The following SRGAP3 variants were observed in gnomAD, a reference collection of about 807,000 sequenced individuals.
SRGAP3 encodes SLIT-ROBO Rho GTPase activating protein 3.
A neutral mutation model predicts 121.1 loss-of-function variants in SRGAP3; 39 were observed. The ratio of observed to expected loss-of-function variants is 0.32; its 90% confidence interval spans 0.25 to 0.42. SRGAP3 has a LOEUF of 0.42. Among genes scored for constraint, SRGAP3 ranks in the 10% least tolerant of loss-of-function variants. SRGAP3 has a pLI of 1.00. For synonymous variants in SRGAP3, 601 were observed against 570.0 expected (o/e 1.05, Z -0.77); for missense variants, 1,213 against 1,470.6 (o/e 0.82, Z 2.86).
At chr3:9,340,466 T>C (rs1243436728) in intron 1 of SRGAP3, among the ~76,000 whole-genome samples, 4 of 152,186 alleles carry the variant, frequency 2.6e-5, no homozygotes, top group African/African-American at 9.6e-5. Flanking sequence ...GTCTAAGCAT[T>C]ATTAACTCTG....
At chr3:9,291,520 G>T (rs35939553) in intron 3 of SRGAP3, among the ~76,000 whole-genome samples, 33,066 of 151,672 alleles carry the variant, frequency 0.22, 4,452 homozygotes, top group Non-Finnish European at 0.3. Context: ...TGCTGCAATG[G>T]TGTATATATC....
intron 18 of SRGAP3, among the ~76,000 whole-genome samples, chr3:9,004,946 T>C (rs1942980583): frequency 6.6e-6 from 1 of 152,188 alleles, no homozygotes; most frequent in Admixed American, 6.5e-5. Flanking sequence ...AATACTTTTG[T>C]GCTTCAAAGG....
intron 1 of SRGAP3, among the ~76,000 whole-genome samples, chr3:9,167,541 C>T (rs372457554): frequency 2.0e-5 from 3 of 152,324 alleles, no homozygotes. Flanking sequence ...ATTCTGGGAG[C>T]TGAATTCCCT....
At chr3:9,325,151 T>C (rs1242216197) in intron 3 of SRGAP3, among the ~76,000 whole-genome samples, 1 of 151,868 alleles carries the variant, frequency 6.6e-6, no homozygotes, top group Non-Finnish European at 1.5e-5. Flanking sequence ...GAGAGACTAC[T>C]TGACGTTCTA....
At chr3:9,157,115 G>C (rs1950445377) in intron 1 of SRGAP3, among the ~76,000 whole-genome samples, 1 of 152,158 alleles carries the variant, frequency 6.6e-6, no homozygotes, top group South Asian at 2.1e-4. Context: ...ACCTGAGACT[G>C]GGTAATTTAT....
chr3:9,192,744 C>T (rs1340443831), intron 1 of SRGAP3: 1 of 152,170 alleles, frequency 6.6e-6, no homozygotes, highest in South Asian at 2.1e-4. Context: ...AGTTTTGGGA[C>T]CCCCATCACA....
chr3:9,053,003 T>A, intron 9 of SRGAP3, 24 bp downstream of exon 9: 1 of 1,611,686 alleles, frequency 6.2e-7, no homozygotes, highest in Non-Finnish European at 8.5e-7. Context: ...GACAGTGTGG[T>A]TCTGGGCCCA....
intron 1 of SRGAP3, among the ~76,000 whole-genome samples, chr3:9,247,813 C>A (rs1437290257): frequency 6.6e-6 from 1 of 152,206 alleles, no homozygotes; most frequent in East Asian, 1.9e-4. Context: ...AGAAAGAAAG[C>A]GGACGCCAAG....
intron 3 of SRGAP3, among the ~76,000 whole-genome samples, chr3:9,288,130 GTTTTTT>G (rs57076828): frequency 8.4e-6 from 1 of 119,100 alleles, no homozygotes; most frequent in African/African-American, 3.2e-5. Context: ...TTCTATCTTT[GTTTTTT>G]TTTTTTTTTT....
chr3:9,193,079 C>T (rs1145153), intron 1 of SRGAP3: 27,393 of 152,190 alleles, frequency 0.18, 3,040 homozygotes, highest in Admixed American at 0.25. Context: ...TACAACAAGA[C>T]TTGCCAGCCA....
chr3:9,225,986 C>T (rs990335322), intron 1 of SRGAP3, among the ~76,000 whole-genome samples: 2 of 152,216 alleles, frequency 1.3e-5, no homozygotes, highest in African/African-American at 2.4e-5. Flanking sequence ...TTAAAAGACA[C>T]AGTACAGGCC....
Position 9,178,122 on chromosome 3 carries a change from G to A in SRGAP3, c.68-53205C>T, listed in dbSNP as rs368816231. 1.2e-4 allele frequency among the ~76,000 whole-genome samples: 19 copies of A among 152,256 alleles called. No individual in the cohort carries two copies. In the East Asian group the frequency reaches 3.1e-3, roughly 25 times the overall value. On this transcript the variant is annotated intron_variant, in intron 1 of 21. Transcript: ENST00000383836. ...GTCTCTACTAAAAATGCAAAAATAA[G>A]CAGGGCATGGTGGCGCATGCCTGTA...
At chr3:9,225,985 A>G (rs1306979310) in intron 1 of SRGAP3, among the ~76,000 whole-genome samples, 1 of 152,224 alleles carries the variant, frequency 6.6e-6, no homozygotes, top group African/African-American at 2.4e-5. Flanking sequence ...TTTAAAAGAC[A>G]CAGTACAGGC....
Position 9,047,945 on chromosome 3 carries a change from G to T in SRGAP3, c.1324-470C>A, listed in dbSNP as rs542226951. Reference sequence around the variant, plus strand: ...CTCGGAACGAGTCTTCCTTTCATCTGGCCCCACTTTGAAGGAGGAGGGGCT... The same window carrying T: ...CTCGGAACGAGTCTTCCTTTCATCTTGCCCCACTTTGAAGGAGGAGGGGCT... On this transcript the variant is annotated intron_variant, in intron 9 of 21. Transcript: ENST00000383836. Among the ~76,000 whole-genome samples the T allele has an allele frequency of 1.7e-4, 26 of 152,350 alleles. No homozygotes were observed. In the South Asian group the frequency reaches 4.8e-3, roughly 28 times the overall value.
chr3:9,071,639 G>A (rs1250874614), intron 4 of SRGAP3, among the ~76,000 whole-genome samples: 1 of 130,948 alleles, frequency 7.6e-6, no homozygotes, highest in East Asian at 2.2e-4. Flanking sequence ...GATTCTCAAA[G>A]GTGGATGGAT....
Position 9,265,553 on chromosome 3 carries a change from G to A in SRGAP3, n.442+60457C>T, listed in dbSNP as rs888856257. On this transcript the variant is annotated intron_variant and non_coding_transcript_variant, in intron 3 of 3. Coordinates refer to the SRGAP3 transcript ENST00000490889. ...GAAAAAAAAACCCCATCAAAAAGTGGGCGAAGGATATGAACAGACACTTCT... is the reference window on the plus strand; with the variant it reads ...GAAAAAAAAACCCCATCAAAAAGTGAGCGAAGGATATGAACAGACACTTCT... 2.0e-4 allele frequency among the ~76,000 whole-genome samples: 31 copies of A among 152,078 alleles called. 1 individual carries two copies. Among genetic ancestry groups the A allele is most frequent in the African/African-American group, 7.2e-4 (30 of 41,508 alleles).
intron 1 of SRGAP3, among the ~76,000 whole-genome samples, chr3:9,215,082 T>C (rs1158457565): frequency 2.6e-5 from 4 of 152,214 alleles, no homozygotes; most frequent in Non-Finnish European, 5.9e-5. Flanking sequence ...ATGTTTTGAA[T>C]ATGATACTGT....
At chr3:9,219,495 T>C (rs1952734888) in intron 1 of SRGAP3, 1 of 152,116 alleles carries the variant, frequency 6.6e-6, no homozygotes, top group Admixed American at 6.6e-5. Flanking sequence ...CTTTACCCCA[T>C]GAGGAAGCAG....
chr3:8,993,007 G>C lies in SRGAP3; in HGVS notation c.2457C>G (p.Ala819=), dbSNP rs1022970298. Residue 819 remains alanine, a synonymous_variant, in exon 20 of 22, where the codon GCC becomes GCG. Coordinates refer to ENST00000383836, the MANE Select transcript of SRGAP3 (RefSeq NM_014850.4). The part of the protein sequence containing the change: ...DSLSQKADSE[A]SSGPLLDDKA... ...TGTCATCCAGCAATGGCCCACTGCT[G>C]GCCTCGCTGTCAGCCTTCTGGCTCA... is the stretch of plus-strand genomic sequence containing the variant. 6.8e-6 allele frequency: 11 copies of C among 1,614,214 alleles called. No individual in the cohort carries two copies. The highest frequency in any genetic ancestry group is 9.3e-6 in the Non-Finnish European group (11 of 1,180,046).
Sources: allele counts gnomAD v4.1 joint callset (sites outside exome capture counted in the v4.1 genomes callset), GRCh38; gene constraint gnomAD v4.1.1; transcripts MANE v1.5; gene names NCBI Gene and HGNC (gene_info 2026-07-23, HGNC 2026-07-21).